Variants in CPQ observed in about 807,000 individuals in gnomAD.
CPQ encodes the protein carboxypeptidase Q.
A neutral mutation model predicts 45.7 loss-of-function variants in CPQ; 37 were observed. The observed-to-expected ratio is 0.81, with a 90% CI of 0.62 to 1.07. CPQ has a LOEUF of 1.07. CPQ is among the 50% of genes least tolerant of loss of function. CPQ has a pLI of 0.00. For synonymous variants in CPQ, 186 were observed against 205.8 expected, an observed-to-expected ratio of 0.90 and a Z score of 0.82; for missense variants, 537 against 572.9, an observed-to-expected ratio of 0.94 and a Z score of 0.64.
intron 4 of CPQ, among the ~76,000 whole-genome samples, chr8:96,955,200 T>C (rs898549971): frequency 6.6e-6 from 1 of 152,176 alleles, no homozygotes; most frequent in African/African-American, 2.4e-5. Context: ...TTGAACTAGT[T>C]TACAGTCCCA....
At chr8:97,011,058 C>T (rs1809477608) in intron 5 of CPQ, among the ~76,000 whole-genome samples, 1 of 152,130 alleles carries the variant, frequency 6.6e-6, no homozygotes. Flanking sequence ...CCCTAAAATG[C>T]AAATGAGTCT....
chr8:96,682,872 T>G (rs908430389), intron 1 of CPQ, among the ~76,000 whole-genome samples: 2 of 152,178 alleles, frequency 1.3e-5, no homozygotes, highest in African/African-American at 4.8e-5. Context: ...AGCATAAAAT[T>G]GGGTCATGCT....
chr8:97,127,109 T>C (rs1173955150), intron 7 of CPQ, among the ~76,000 whole-genome samples: 1 of 152,130 alleles, frequency 6.6e-6, no homozygotes, highest in Non-Finnish European at 1.5e-5. Flanking sequence ...TCAGGTTAGG[T>C]AAAGATTTCT....
intron 1 of CPQ, among the ~76,000 whole-genome samples, chr8:96,681,811 G>A (rs1310887871): frequency 6.6e-6 from 1 of 152,192 alleles, no homozygotes; most frequent in African/African-American, 2.4e-5. Context: ...GGCCATGGGA[G>A]CCCACTTCTT....
chr8:96,862,531 T>C (rs1452727287), intron 3 of CPQ, among the ~76,000 whole-genome samples: 3 of 152,040 alleles, frequency 2.0e-5, no homozygotes, highest in Non-Finnish European at 4.4e-5. Context: ...GGAGTTACTT[T>C]GATAGGCATT....
In CPQ at chr8:97,105,303, G is replaced by C. The variant is rs575519725; in HGVS notation, c.1256-37717G>C. On this transcript the variant is annotated intron_variant, in intron 7 of 7. Coordinates refer to ENST00000220763, the MANE Select transcript of CPQ (RefSeq NM_016134.4). ...CAACTCTGGATACCTCATCTAAGTG[G>C]AATAATACAATATTTGTCCTTTTGT... Among the ~76,000 whole-genome samples the C allele has an allele frequency of 3.3e-5, 5 of 152,206 alleles. No individual in the cohort carries two copies. In the South Asian group the frequency reaches 1.0e-3, roughly 32 times the overall value.
intron 6 of CPQ, among the ~76,000 whole-genome samples, chr8:97,042,023 T>C (rs963096689): frequency 1.6e-4 from 24 of 152,280 alleles, no homozygotes; most frequent in Middle Eastern, 3.4e-3. Context: ...GAGGATTCCC[T>C]CTTTTTCTAT....
At chr8:97,052,102 C>T (rs556061480) in intron 6 of CPQ, among the ~76,000 whole-genome samples, 36 of 152,254 alleles carry the variant, frequency 2.4e-4, no homozygotes, top group Non-Finnish European at 4.6e-4. Flanking sequence ...TCATTATTCC[C>T]GACATATTTG....
chr8:97,092,496 A>C (rs1435297466), intron 7 of CPQ: 1 of 152,220 alleles, frequency 6.6e-6, no homozygotes, highest in Admixed American at 6.6e-5. Flanking sequence ...GGAACAGGTT[A>C]GAGAAGCCAG....
intron 4 of CPQ, among the ~76,000 whole-genome samples, chr8:96,923,357 T>A (rs1812833519): frequency 6.6e-6 from 1 of 152,190 alleles, no homozygotes; most frequent in African/African-American, 2.4e-5. Context: ...AAATGCCTCC[T>A]TTCCGTTCCT....
At chr8:96,928,412 G>T (rs937005883) in intron 4 of CPQ, among the ~76,000 whole-genome samples, 17 of 150,466 alleles carry the variant, frequency 1.1e-4, no homozygotes, top group African/African-American at 3.7e-4. Flanking sequence ...CCAAAAATTT[G>T]GTCCTGATAT....
intron 7 of CPQ, among the ~76,000 whole-genome samples, chr8:97,131,661 C>T (rs902447292): frequency 6.6e-5 from 10 of 152,144 alleles, no homozygotes; most frequent in African/African-American, 2.4e-4. Flanking sequence ...TGACATCACC[C>T]CTAAAATTGT....
intron 1 of CPQ, among the ~76,000 whole-genome samples, chr8:96,724,309 G>A (rs776756966): frequency 6.6e-6 from 1 of 152,026 alleles, no homozygotes; most frequent in African/African-American, 2.4e-5. Context: ...AATATTCAAT[G>A]TGTGAATATA....
At chr8:97,122,659 G>A (rs895442975) in intron 7 of CPQ, among the ~76,000 whole-genome samples, 26 of 151,860 alleles carry the variant, frequency 1.7e-4, no homozygotes, top group African/African-American at 4.8e-4. Context: ...GCCAAGGCAC[G>A]CGGATCATTG....
At chr8:97,063,777 A>C (rs1281678738) in intron 6 of CPQ, among the ~76,000 whole-genome samples, 4 of 151,864 alleles carry the variant, frequency 2.6e-5, no homozygotes, top group Non-Finnish European at 5.9e-5. Flanking sequence ...AGATATTTGT[A>C]GGTGTTCAGC....
At chr8:96,892,489 G>A (rs573374008) in intron 4 of CPQ, among the ~76,000 whole-genome samples, 2 of 152,252 alleles carry the variant, frequency 1.3e-5, no homozygotes, top group East Asian at 3.9e-4. Flanking sequence ...TGGAACGTTT[G>A]TTCACATTTT....
chr8:96,831,659 AC>A (rs1811462328), intron 2 of CPQ, among the ~76,000 whole-genome samples: 1 of 152,162 alleles, frequency 6.6e-6, no homozygotes, highest in African/African-American at 2.4e-5. Context: ...AGTATTTTGT[AC>A]ACACCCTGCC....
At chr8:97,106,727 T>C (rs550097160) in intron 7 of CPQ, among the ~76,000 whole-genome samples, 6 of 152,018 alleles carry the variant, frequency 3.9e-5, no homozygotes, top group Non-Finnish European at 8.8e-5. Context: ...TTGGGCCAGA[T>C]GGATCGCAAG....
At chr8:96,814,308 G>C (rs1334724958) in intron 2 of CPQ, among the ~76,000 whole-genome samples, 1 of 152,036 alleles carries the variant, frequency 6.6e-6, no homozygotes, top group East Asian at 1.9e-4. Context: ...TGCCGTGAAG[G>C]CAAGTAACTG....
Sources: allele counts gnomAD v4.1 joint callset (sites outside exome capture counted in the v4.1 genomes callset), GRCh38; gene constraint gnomAD v4.1.1; transcripts MANE v1.5; gene names NCBI Gene and HGNC (gene_info 2026-07-23, HGNC 2026-07-21).